The following ADCY9 variants were observed in gnomAD, a reference collection of about 807,000 sequenced individuals.
ADCY9 encodes the protein adenylate cyclase 9, also known as adenylate cyclase type 9.
In ADCY9, 50 loss-of-function variants were observed where a neutral mutation model predicts 101.5. The observed-to-expected ratio is 0.49, with a 90% CI of 0.39 to 0.62. The LOEUF is 0.62. ADCY9 is among the 20% of genes least tolerant of loss of function. ADCY9 has a pLI of 0.00. For missense variants in ADCY9, 1,662 were observed against 1,800.4 expected, an observed-to-expected ratio of 0.92 and a Z score of 1.39; for synonymous variants, 905 against 769.3, an observed-to-expected ratio of 1.18 and a Z score of -2.92.
At chr16:4,035,567 G>A (rs1375377581) in intron 2 of ADCY9, among the ~76,000 whole-genome samples, 1 of 152,140 alleles carries the variant, frequency 6.6e-6, no homozygotes, top group African/African-American at 2.4e-5. Context: ...TGCATGGGAA[G>A]CCAATGACAC....
Position 4,114,902 on chromosome 16 carries a change from G to C in ADCY9, c.541C>G (p.Leu181Val), listed in dbSNP as rs1260274417. ...HYAWTSLALT[L>V]LVFALTLAAQ... ...GCCAGGGTCAGGGCGAACACCAGCAGGGTGAGAGCCAGCGAGGTCCACGCG... is the reference window on the plus strand; with the variant it reads ...GCCAGGGTCAGGGCGAACACCAGCACGGTGAGAGCCAGCGAGGTCCACGCG... The change falls in exon 2 of 11, where the codon CTG becomes GTG. Residue 181 changes from leucine to valine, a missense_variant. Leu to Val is a conservative substitution (Grantham distance 32, BLOSUM62 1). Transcript: ENST00000294016. This position sits in a 1 kb window ranked among gnomAD's most constrained non-coding sequence, Gnocchi z 4.3. The C allele has an allele frequency of 1.2e-6, 2 of 1,613,894 alleles. No homozygotes were observed. Among genetic ancestry groups the C allele is most frequent in the South Asian group, 1.1e-5 (1 of 91,086 alleles).
At chr16:3,983,469 A>T (rs765390641) in intron 6 of ADCY9, 29 bp from the exon 7 acceptor site, 25 of 1,572,662 alleles carry the variant, frequency 1.6e-5, no homozygotes, top group Admixed American at 3.7e-5. Context: ...GAGCAGAATG[A>T]CTGGGAGGCC....
chr16:4,041,695 AAAAAGT>A (rs2056627726), intron 2 of ADCY9, among the ~76,000 whole-genome samples: 1 of 151,862 alleles, frequency 6.6e-6, no homozygotes, highest in Admixed American at 6.6e-5. Flanking sequence ...AAAGAAAAAG[AAAAAGT>A]TGATGATTCA....
intron 10 of ADCY9, among the ~76,000 whole-genome samples, chr16:3,972,234 CTTT>C (rs34224958): frequency 2.8e-5 from 4 of 144,548 alleles, no homozygotes; most frequent in Non-Finnish European, 3.0e-5. Context: ...TTTTTCTTTT[CTTT>C]TTTTTTTTTT....
intron 9 of ADCY9, 33 bp from the exon 10 acceptor site, chr16:3,974,743 A>C (rs1386327547): frequency 1.9e-6 from 3 of 1,567,682 alleles, no homozygotes; most frequent in Non-Finnish European, 2.6e-6. Context: ...TATTATCATA[A>C]AGAGCAAAGA....
chr16:4,048,829 A>G (rs1353188673), intron 2 of ADCY9, among the ~76,000 whole-genome samples: 1 of 152,004 alleles, frequency 6.6e-6, no homozygotes, highest in African/African-American at 2.4e-5. Context: ...GTCCCTCCTC[A>G]CAATCCAGAG....
intron 7 of ADCY9, chr16:3,982,349 T>A (rs1332398311): frequency 4.6e-5 from 7 of 152,268 alleles, no homozygotes; most frequent in African/African-American, 1.7e-4. Flanking sequence ...CAGGGCTGCC[T>A]CCCCATGTCT....
intron 10 of ADCY9, among the ~76,000 whole-genome samples, chr16:3,969,609 TGTA>T (rs1272919316): frequency 4.7e-4 from 45 of 94,876 alleles, no homozygotes; most frequent in Admixed American, 1.0e-3. Flanking sequence ...TATATATATA[TGTA>T]TTTTTTTTTT....
At chr16:4,096,042 C>T (rs191750429) in intron 2 of ADCY9, among the ~76,000 whole-genome samples, 8 of 148,866 alleles carry the variant, frequency 5.4e-5, no homozygotes, top group Admixed American at 3.4e-4. Context: ...ATTCAGGAAA[C>T]GTGATCCTCA....
chr16:4,107,544 C>T (rs2057085005), intron 2 of ADCY9, among the ~76,000 whole-genome samples: 1 of 103,596 alleles, frequency 9.7e-6, no homozygotes. Flanking sequence ...CAGCCAGACT[C>T]TGTCTCAAAA....
chr16:3,963,373 GT>G lies in ADCY9; in HGVS notation c.*2401del. ...TGCCAACAGACAAGAGATGCACGGC[GT>G]TTCCGCTGCAGAGATTCTGTGGTTC... On this transcript the variant is annotated 3_prime_UTR_variant, in exon 11 of 11. Transcript: ENST00000294016. 1 of 398,842 alleles carries G rather than the reference GT, an allele frequency of 2.5e-6. No homozygotes were observed. Among genetic ancestry groups the G allele is most frequent in the South Asian group, 1.3e-4 (1 of 7,862 alleles). 24.7% of individuals were successfully genotyped at this position (398,842 alleles called of 1,614,324 possible).
At chr16:4,052,902 A>G (rs1429174253) in intron 2 of ADCY9, among the ~76,000 whole-genome samples, 1 of 152,190 alleles carries the variant, frequency 6.6e-6, no homozygotes, top group Admixed American at 6.5e-5. Context: ...TTGCATAATC[A>G]CAAGTTGCTT....
At chr16:3,998,727 A>AG in intron 3 of ADCY9, among the ~76,000 whole-genome samples, 1 of 141,710 alleles carries the variant, frequency 7.1e-6, no homozygotes, top group African/African-American at 2.6e-5. Flanking sequence ...AAAAAAAAAA[A>AG]AAAAAAAAGA....
rs1344285508 is a variant in ADCY9 at position 3,964,232 on chromosome 16, C to T, written c.*1543G>A. 1 of 152,302 alleles carries T rather than the reference C, an allele frequency of 6.6e-6. No homozygotes were observed. The highest frequency in any genetic ancestry group is 2.1e-4 in the South Asian group (1 of 4,836). 9.4% of individuals were successfully genotyped at this position (152,302 alleles called of 1,614,324 possible). On this transcript the variant is annotated 3_prime_UTR_variant, in exon 11 of 11. Transcript: ENST00000294016. ...GGGCAAGACTGACAAGGAGTGCACC[C>T]TGGGCCTCATCAGCGTCCCGGGGTC...
chr16:4,003,759 C>T (rs2056348092), intron 3 of ADCY9, among the ~76,000 whole-genome samples: 1 of 151,988 alleles, frequency 6.6e-6, no homozygotes, highest in Non-Finnish European at 1.5e-5. Context: ...AAAGCCAAGG[C>T]TTGAGAAGGG....
Position 4,114,578 on chromosome 16 carries a change from C to G in ADCY9, c.865G>C (p.Gly289Arg). The change falls in exon 2 of 11, where the codon GGC (glycine) becomes CGC (arginine). Residue 289 changes from glycine to arginine, a missense_variant. Transcript: ENST00000294016. This position sits in a 1 kb window ranked among gnomAD's most constrained non-coding sequence, Gnocchi z 4.3. ...WELLSRGLLHGCIHAIGVHLF... is the reference protein window; with the variant it reads ...WELLSRGLLHRCIHAIGVHLF... ...TGGACCCCGATGGCGTGGATGCAGC[C>G]GTGGAGCAGCCCCCTGCTCAGCAGC... 6.2e-7 allele frequency: 1 copy of G among 1,613,966 alleles called. No individual in the cohort carries two copies. Among genetic ancestry groups the G allele is most frequent in the Non-Finnish European group, 8.5e-7 (1 of 1,180,034 alleles).
At chr16:3,994,688 C>T (rs1194946537) in intron 3 of ADCY9, among the ~76,000 whole-genome samples, 1 of 152,190 alleles carries the variant, frequency 6.6e-6, no homozygotes, top group Non-Finnish European at 1.5e-5. Context: ...GAACTCCTGA[C>T]CTCAGGTGAT....
At chr16:3,983,208 A>G (rs1389833544) in intron 7 of ADCY9, 24 bp downstream of exon 7, 1 of 1,541,356 alleles carries the variant, frequency 6.5e-7, no homozygotes, top group Admixed American at 2.0e-5. Flanking sequence ...TCAGAGCTGG[A>G]GACCCAGTCC....
intron 10 of ADCY9, among the ~76,000 whole-genome samples, chr16:3,968,855 C>CT (rs1035543130): frequency 6.7e-6 from 1 of 149,236 alleles, no homozygotes; most frequent in East Asian, 1.9e-4. Flanking sequence ...TTTTTTTTTT[C>CT]TTTTTTTTGA....
Sources: gnomAD v4.1 joint callset for allele counts (sites outside exome capture counted in the v4.1 genomes callset) on GRCh38, gnomAD v4.1.1 for gene constraint, Gnocchi (gnomAD v3.1) non-coding constraint, MANE v1.5 for transcripts, NCBI Gene and HGNC (gene_info 2026-07-23, HGNC 2026-07-21) for gene names.